PTPRD: variants seen among roughly 807,000 people sequenced by gnomAD.
PTPRD encodes receptor-type tyrosine-protein phosphatase delta.
A neutral mutation model predicts 214.5 loss-of-function variants in PTPRD; 34 were observed. The ratio of observed to expected loss-of-function variants is 0.16; its 90% CI spans 0.12 to 0.21. PTPRD has a LOEUF of 0.21. Ranked by LOEUF, PTPRD falls within the 10% of genes least tolerant of loss-of-function variation. PTPRD has a pLI of 1.00. For missense variants in PTPRD, 2,545 were observed against 2,398.7 expected (o/e 1.06, Z -1.27); for synonymous variants, 1,128 against 845.7 (o/e 1.33, Z -5.79).
chr9:9,183,297 G>C lies in PTPRD; in HGVS notation c.-143+7C>G, dbSNP rs2099929323. 1 of 151,946 alleles carries C rather than the reference G, an allele frequency of 6.6e-6. No individual in the cohort carries two copies. The highest frequency in any genetic ancestry group is 1.5e-5 in the Non-Finnish European group (1 of 67,964). The allele number at this position is 151,946 out of a possible 1,614,324, so 9.4% of individuals were successfully genotyped here. A position where few individuals can be genotyped will look rare whatever the true frequency, so the allele number is the denominator to read the frequency against. ...GGGAAAGGGTTAAAATGTGGTTGTGGACTCACCTTGAGTTAGCCACCGTCG... is the reference window on the plus strand; with the variant it reads ...GGGAAAGGGTTAAAATGTGGTTGTGCACTCACCTTGAGTTAGCCACCGTCG... On this transcript the variant is annotated splice_region_variant and intron_variant, in intron 10 of 45. Coordinates refer to ENST00000381196, the MANE Select transcript of PTPRD (RefSeq NM_002839.4).
chr9:9,919,694 T>C (rs950212239), intron 5 of PTPRD, among the ~76,000 whole-genome samples: 2 of 152,268 alleles, frequency 1.3e-5, no homozygotes, highest in East Asian at 1.9e-4. Context: ...TTGGGAGTTC[T>C]CATAAATACT....
chr9:9,616,181 A>G (rs1471460637), intron 7 of PTPRD, among the ~76,000 whole-genome samples: 2 of 152,186 alleles, frequency 1.3e-5, no homozygotes, highest in Non-Finnish European at 2.9e-5. Context: ...TAACATACAG[A>G]GGTCTCGTTA....
intron 8 of PTPRD, among the ~76,000 whole-genome samples, chr9:9,434,678 A>G (rs778156044): frequency 1.3e-4 from 20 of 152,158 alleles, no homozygotes; most frequent in Middle Eastern, 3.4e-3. Context: ...AAATAGACAG[A>G]CCAATAGAAC....
In PTPRD at chr9:9,571,715, T is replaced by C. The variant is rs149980030; in HGVS notation, c.-237+3017A>G. The stretch of plus-strand genomic sequence containing the variant: ...CATGAAACTTATAATGGGCAATTCA[T>C]AAATATATATATATTGATTTAACAA... On this transcript the variant is annotated intron_variant, in intron 8 of 45. Coordinates refer to ENST00000381196, the MANE Select transcript of PTPRD (RefSeq NM_002839.4). Among the ~76,000 whole-genome samples the C allele has an allele frequency of 2.6e-3, 387 of 151,132 alleles. 1 individual carries two copies. Among genetic ancestry groups the C allele is most frequent in the African/African-American group, 8.7e-3 (362 of 41,474 alleles).
At chr9:8,730,765 C>G (rs2154432243) in intron 12 of PTPRD, among the ~76,000 whole-genome samples, 1 of 152,312 alleles carries the variant, frequency 6.6e-6, no homozygotes, top group Admixed American at 6.5e-5. Flanking sequence ...ATGCATCTTA[C>G]AGCCGAATGG....
chr9:8,530,794 G>C (rs1053824009), intron 14 of PTPRD, among the ~76,000 whole-genome samples: 1 of 152,096 alleles, frequency 6.6e-6, no homozygotes, highest in Non-Finnish European at 1.5e-5. Flanking sequence ...TGCTACCAAA[G>C]ATTAAAGCTC....
intron 8 of PTPRD, among the ~76,000 whole-genome samples, chr9:9,430,572 C>A (rs553031813): frequency 6.6e-6 from 1 of 152,000 alleles, no homozygotes; most frequent in South Asian, 2.1e-4. Flanking sequence ...TCATATGGAA[C>A]AAAAAAGAGC....
chr9:9,183,278 G>A (rs1243670495), intron 10 of PTPRD, 26 bp downstream of exon 10: 1 of 152,004 alleles, frequency 6.6e-6, no homozygotes, highest in African/African-American at 2.4e-5. Context: ...AGAAGGGAAA[G>A]GGTTAAAATG....
At chr9:10,010,267 T>C (rs1457561876) in intron 4 of PTPRD, among the ~76,000 whole-genome samples, 1 of 151,970 alleles carries the variant, frequency 6.6e-6, no homozygotes, top group African/African-American at 2.4e-5. Context: ...AGATTTTAAA[T>C]TATTTTAAAA....
At chr9:9,279,923 C>T (rs1947047036) in intron 9 of PTPRD, among the ~76,000 whole-genome samples, 2 of 151,180 alleles carry the variant, frequency 1.3e-5, no homozygotes, top group Admixed American at 1.3e-4. Context: ...TATACATTTG[C>T]CTCATTTAAA....
intron 6 of PTPRD, among the ~76,000 whole-genome samples, chr9:9,736,470 T>C (rs1285423157): frequency 6.6e-6 from 1 of 152,108 alleles, no homozygotes; most frequent in Non-Finnish European, 1.5e-5. Flanking sequence ...ACTTTGGGGT[T>C]ATTAAGAATT....
intron 5 of PTPRD, among the ~76,000 whole-genome samples, chr9:9,893,244 T>A (rs184975441): frequency 1.3e-5 from 2 of 151,538 alleles, no homozygotes; most frequent in East Asian, 3.9e-4. Flanking sequence ...GCAGCTAGTA[T>A]CATGAGGACA....
At chr9:8,903,965 G>C (rs1343167303) in intron 11 of PTPRD, among the ~76,000 whole-genome samples, 2 of 152,058 alleles carry the variant, frequency 1.3e-5, no homozygotes, top group Non-Finnish European at 2.9e-5. Context: ...GTCTAAACGT[G>C]TTCACTTACA....
At chr9:9,519,399 A>G (rs897145167) in intron 8 of PTPRD, among the ~76,000 whole-genome samples, 2 of 151,944 alleles carry the variant, frequency 1.3e-5, no homozygotes, top group Admixed American at 6.6e-5. Context: ...ATCAACAGTT[A>G]CAGGTTGATT....
At chr9:9,739,719 A>T (rs1238785687) in intron 6 of PTPRD, among the ~76,000 whole-genome samples, 1 of 151,392 alleles carries the variant, frequency 6.6e-6, no homozygotes, top group African/African-American at 2.4e-5. Flanking sequence ...TTACCTTCTG[A>T]TATTTATTAT....
At chr9:8,911,893 T>C (rs563801300) in intron 11 of PTPRD, among the ~76,000 whole-genome samples, 1 of 152,222 alleles carries the variant, frequency 6.6e-6, no homozygotes, top group Non-Finnish European at 1.5e-5. Flanking sequence ...ATATGAATGA[T>C]TAATAAAAAA....
At chr9:8,677,315 T>C (rs1425486289) in intron 12 of PTPRD, among the ~76,000 whole-genome samples, 2 of 152,156 alleles carry the variant, frequency 1.3e-5, no homozygotes, top group African/African-American at 2.4e-5. Context: ...GTGGTATATA[T>C]ACATGAGGAA....
intron 4 of PTPRD, among the ~76,000 whole-genome samples, chr9:10,022,373 A>G (rs2096840127): frequency 7.1e-6 from 1 of 140,878 alleles, no homozygotes; most frequent in Non-Finnish European, 1.5e-5. Flanking sequence ...CTGCTCTCAT[A>G]CATACCTTTC....
At chr9:10,361,417 G>A (rs751128461) in intron 2 of PTPRD, among the ~76,000 whole-genome samples, 7 of 152,114 alleles carry the variant, frequency 4.6e-5, no homozygotes, top group Non-Finnish European at 5.9e-5. Flanking sequence ...GTGAACCACC[G>A]ATGTAGACAA....
Sources: allele counts gnomAD v4.1 joint callset (sites outside exome capture counted in the v4.1 genomes callset), GRCh38; gene constraint gnomAD v4.1.1; transcripts MANE v1.5; gene names NCBI Gene and HGNC (gene_info 2026-07-23, HGNC 2026-07-21).